Variants in COL5A1 observed in about 807,000 individuals in gnomAD.
COL5A1 encodes collagen alpha-1(V) chain.
In COL5A1, 16 loss-of-function variants were observed where a neutral mutation model predicts 263.7. The ratio of observed to expected loss-of-function variants is 0.06; its 90% confidence interval spans 0.04 to 0.09. COL5A1 has a LOEUF of 0.09. Ranked by LOEUF, COL5A1 falls within the 10% of genes least tolerant of loss-of-function variation. The probability of loss-of-function intolerance (pLI) is 1.00; values close to 1 mark genes in which losing one functional copy is unlikely to be tolerated. For missense variants in COL5A1, 2,036 were observed against 2,540.5 expected (o/e 0.80, Z 4.27); for synonymous variants, 1,012 against 1,004.5 (o/e 1.01, Z -0.14).
chr9:134,809,185 C>G lies in COL5A1; in HGVS notation c.3369C>G (p.Gly1123=). The stretch of plus-strand genomic sequence containing the variant: ...CTGAGATCTTCTGTATTCTCTAGGG[C>G]GAGAAAGGCCCACAAGGCCCAGCTG... ...PGPAGEKGAP[G]EKGPQGPAGR... Residue 1123 remains glycine (G), a splice_region_variant and synonymous_variant, in exon 43 of 66, where the codon GGC becomes GGG. Coordinates refer to ENST00000371817, the MANE Select transcript of COL5A1 (RefSeq NM_000093.5). 1 of 1,576,936 alleles carries G rather than the reference C, an allele frequency of 6.3e-7. No homozygotes were observed. The highest frequency in any genetic ancestry group is 8.6e-7 in the Non-Finnish European group (1 of 1,160,386).
intron 1 of COL5A1, among the ~76,000 whole-genome samples, chr9:134,664,704 G>A (rs142896027): frequency 6.6e-6 from 1 of 152,352 alleles, no homozygotes; most frequent in East Asian, 1.9e-4. Flanking sequence ...CCTGTGAGGG[G>A]CAGTGGGTGT....
Position 134,819,026 on chromosome 9 carries a change from A to C in COL5A1, c.4419A>C (p.Lys1473Asn). The part of the protein sequence containing the change: ...PMGPPGLPGL[K>N]GDSGPKGEKG... ...GTCCCCCAGGACTTCCCGGCCTCAA[A>C]GGAGATTCTGGTCCCAAAGGTGAAA... The change falls in exon 57 of 66, where the codon AAA (lysine) becomes AAC (asparagine). Residue 1473 changes from lysine to asparagine, a missense_variant. Lys to Asn is a moderately conservative substitution (Grantham distance 94). Around this residue, in one of 3 missense-constraint regions of COL5A1, gnomAD observed 1,078 missense variants for 1,521.4 expected, o/e 0.71. Coordinates refer to ENST00000371817, the MANE Select transcript of COL5A1 (RefSeq NM_000093.5). 6.2e-7 allele frequency: 1 copy of C among 1,613,378 alleles called. No homozygotes were observed. Among genetic ancestry groups the C allele is most frequent in the Admixed American group, 1.7e-5 (1 of 60,028 alleles).
intron 30 of COL5A1, among the ~76,000 whole-genome samples, 164 bp downstream of exon 30, chr9:134,785,260 A>G (rs1837414797): frequency 6.6e-6 from 1 of 151,824 alleles, no homozygotes; most frequent in Non-Finnish European, 1.5e-5. Context: ...GTTCCTATGA[A>G]GCTGTTGGTT....
At chr9:134,651,840 G>A (rs758890596) in intron 1 of COL5A1, among the ~76,000 whole-genome samples, 5 of 152,244 alleles carry the variant, frequency 3.3e-5, no homozygotes, top group Non-Finnish European at 7.3e-5. Context: ...TGTCTTTGCT[G>A]CTGGTTGTCT....
At chr9:134,792,744 C>T (rs1250034786) in intron 32 of COL5A1, among the ~76,000 whole-genome samples, 1 of 151,024 alleles carries the variant, frequency 6.6e-6, no homozygotes, top group South Asian at 2.1e-4. Flanking sequence ...CCTGAGTGTC[C>T]GCATGCATGC....
chr9:134,745,336 C>G (rs1438669862), intron 11 of COL5A1, among the ~76,000 whole-genome samples: 1 of 152,220 alleles, frequency 6.6e-6, no homozygotes, highest in Non-Finnish European at 1.5e-5. Flanking sequence ...CTGGCAGGAG[C>G]TGCATGAATG....
Position 134,822,992 on chromosome 9 carries a change from C to T in COL5A1, c.4609-6C>T, listed in dbSNP as rs1034866420. 5.0e-6 allele frequency: 8 copies of T among 1,614,118 alleles called. No homozygotes were observed. Among genetic ancestry groups the T allele is most frequent in the Non-Finnish European group, 6.8e-6 (8 of 1,179,994 alleles). On this transcript the variant is annotated splice_polypyrimidine_tract_variant and splice_region_variant and intron_variant, in intron 59 of 65. Transcript: ENST00000371817. ...TTGCTGACGTTCTGCCCTCCTCTCT[C>T]TGCAGGGTCCGCCTGGTCCAAAAGG...
intron 64 of COL5A1, chr9:134,830,257 C>T (rs536051615): frequency 2.6e-5 from 36 of 1,387,506 alleles, no homozygotes; most frequent in East Asian, 9.9e-5. Context: ...TGGCACCCAT[C>T]GCTGCCATGT....
At chr9:134,668,948 C>T in intron 1 of COL5A1, among the ~76,000 whole-genome samples, 1 of 120,828 alleles carries the variant, frequency 8.3e-6, no homozygotes, top group East Asian at 2.1e-4. Context: ...TCCTTCCACC[C>T]ACCCACCCAT....
chr9:134,762,601 C>G (rs1032924669), intron 19 of COL5A1, among the ~76,000 whole-genome samples: 1 of 152,122 alleles, frequency 6.6e-6, no homozygotes, highest in East Asian at 1.9e-4. Context: ...ATGGGATGCA[C>G]GAGGCTGTGG....
chr9:134,760,389 C>G (rs552321714), intron 18 of COL5A1, among the ~76,000 whole-genome samples: 82 of 101,254 alleles, frequency 8.1e-4, no homozygotes, highest in Middle Eastern at 6.8e-3. Flanking sequence ...TGCATACACA[C>G]CCCCACACCC....
At chr9:134,823,158 C>A in intron 60 of COL5A1, 125 bp downstream of exon 60, 1 of 1,232,642 alleles carries the variant, frequency 8.1e-7, no homozygotes, top group South Asian at 1.2e-5. Context: ...CACGATCCTC[C>A]CATCTTTCTA....
intron 34 of COL5A1, 110 bp from the exon 35 acceptor site, chr9:134,796,264 T>G: frequency 8.4e-7 from 1 of 1,193,364 alleles, no homozygotes; most frequent in African/African-American, 1.5e-5. Flanking sequence ...CCTTCAGGGG[T>G]GCACACAGGC....
chr9:134,690,451 C>G (rs1195921651), intron 1 of COL5A1, among the ~76,000 whole-genome samples: 1 of 152,226 alleles, frequency 6.6e-6, no homozygotes, highest in Non-Finnish European at 1.5e-5. Flanking sequence ...ATAAGGCGGT[C>G]AGCTCCGCAG....
chr9:134,835,962 A>G (rs954870354), intron 65 of COL5A1, among the ~76,000 whole-genome samples: 1 of 152,172 alleles, frequency 6.6e-6, no homozygotes, highest in Non-Finnish European at 1.5e-5. Context: ...AGCCTCAGAC[A>G]TGTCCCCCTC....
At chr9:134,767,153 C>T (rs1836703956) in intron 23 of COL5A1, 100 bp downstream of exon 23, 3 of 1,472,504 alleles carry the variant, frequency 2.0e-6, no homozygotes, top group East Asian at 4.6e-5. Context: ...TCTGTCCCCT[C>T]CAAGTAGCAG....
At chr9:134,655,723 GA>G (rs1422490050) in intron 1 of COL5A1, among the ~76,000 whole-genome samples, 2 of 152,152 alleles carry the variant, frequency 1.3e-5, no homozygotes, top group Admixed American at 6.5e-5. Flanking sequence ...AGTGCCACAG[GA>G]GACAGGAATG....
intron 4 of COL5A1, among the ~76,000 whole-genome samples, chr9:134,713,585 C>T (rs915212991): frequency 6.6e-6 from 1 of 152,242 alleles, no homozygotes; most frequent in Admixed American, 6.5e-5. Context: ...ACGTGAGCTT[C>T]TGCACTTGGG....
chr9:134,787,081 G>A lies in COL5A1; in HGVS notation c.2646+1033G>A, dbSNP rs141290353. Among the ~76,000 whole-genome samples the A allele has an allele frequency of 6.3e-4, 96 of 152,362 alleles. 1 individual carries two copies. In the East Asian group the frequency reaches 0.015, roughly 24 times the overall value. ...GATCTAACAGTGGCTCGTTGAACGT[G>A]GGTGTGATGTAGCTGCTGACCGCAG... is the stretch of plus-strand genomic sequence containing the variant. On this transcript the variant is annotated intron_variant, in intron 31 of 65. Transcript: ENST00000371817.
Sources: gnomAD v4.1 joint callset for allele counts (sites outside exome capture counted in the v4.1 genomes callset) on GRCh38, gnomAD v4.1.1 for gene constraint, gnomAD v4.1.1 regional missense constraint, MANE v1.5 for transcripts, NCBI Gene and HGNC (gene_info 2026-07-23, HGNC 2026-07-21) for gene names.